The following ACSM1 variants were observed in gnomAD, a reference collection of about 807,000 sequenced individuals.
The protein encoded by ACSM1 is acyl-CoA synthetase medium chain family member 1.
ACSM1 carries 79 observed loss-of-function variants against 75.8 expected under a neutral mutation model. The observed-to-expected ratio is 1.04, with a 90% CI of 0.87 to 1.26. The LOEUF (loss-of-function observed/expected upper bound fraction) is 1.26. ACSM1 is among the 50% of genes most tolerant of loss of function. The pLI, the probability that ACSM1 is intolerant of heterozygous loss-of-function variation, is 0.00. For missense variants in ACSM1, 676 were observed against 720.1 expected (o/e 0.94, Z 0.70); for synonymous variants, 279 against 265.8 (o/e 1.05, Z -0.48).
chr16:20,625,716 C>T (rs950632835), intron 11 of ACSM1, among the ~76,000 whole-genome samples, 194 bp from the exon 12 acceptor site: 5 of 152,150 alleles, frequency 3.3e-5, no homozygotes, highest in African/African-American at 7.2e-5. Flanking sequence ...TACAAGACTG[C>T]GGTGCTCCCG....
intron 10 of ACSM1, among the ~76,000 whole-genome samples, chr16:20,631,785 T>C (rs1027402684): frequency 2.0e-5 from 3 of 152,192 alleles, no homozygotes; most frequent in African/African-American, 7.2e-5. Context: ...AAATAGCGTA[T>C]GTTCTCACTT....
intron 6 of ACSM1, among the ~76,000 whole-genome samples, chr16:20,665,861 T>A (rs1237955646): frequency 4.6e-5 from 7 of 152,100 alleles, no homozygotes; most frequent in Admixed American, 4.6e-4. Context: ...GATTCACCTC[T>A]TAAACAGAAT....
At chr16:20,663,357 G>A (rs1184466830) in intron 6 of ACSM1, among the ~76,000 whole-genome samples, 1 of 152,126 alleles carries the variant, frequency 6.6e-6, no homozygotes, top group Non-Finnish European at 1.5e-5. Context: ...CTCACCACCT[G>A]CTTCTTTGTT....
intron 1 of ACSM1, 67 bp downstream of exon 1, chr16:20,697,569 A>T (rs2079696618): frequency 9.1e-6 from 1 of 109,330 alleles, no homozygotes. Flanking sequence ...ACACACACAC[A>T]CACACACACA....
intron 7 of ACSM1, among the ~76,000 whole-genome samples, chr16:20,643,277 C>T (rs563284345): frequency 5.3e-5 from 8 of 152,278 alleles, no homozygotes; most frequent in East Asian, 1.9e-4. Flanking sequence ...TATTTAGCCC[C>T]GAATTCTAAG....
intron 5 of ACSM1, 77 bp downstream of exon 5, chr16:20,671,454 C>G (rs1307851307): frequency 2.3e-6 from 3 of 1,305,422 alleles, no homozygotes; most frequent in East Asian, 2.4e-5. Flanking sequence ...CACACACACA[C>G]ACACACACAC....
At chr16:20,671,775 T>G (rs1051640092) in intron 4 of ACSM1, 104 bp from the exon 5 acceptor site, 2 of 1,317,206 alleles carry the variant, frequency 1.5e-6, no homozygotes, top group Non-Finnish European at 2.0e-6. Context: ...ACTGGGAGTT[T>G]GCAACACTAG....
intron 9 of ACSM1, chr16:20,637,166 C>T (rs746450808): frequency 3.9e-6 from 3 of 763,376 alleles, no homozygotes; most frequent in Non-Finnish European, 7.2e-6. Flanking sequence ...TGTGTGATGC[C>T]CTGGCTGCCA....
At chr16:20,636,645 G>C (rs1236457088) in intron 10 of ACSM1, 94 bp downstream of exon 10, 1 of 853,214 alleles carries the variant, frequency 1.2e-6, no homozygotes, top group Non-Finnish European at 1.9e-6. Flanking sequence ...CATTGAGTTA[G>C]AGCAAATAAA....
chr16:20,691,249 A>G lies in ACSM1; in HGVS notation c.-51-10T>C, dbSNP rs2079649026. On this transcript the variant is annotated splice_polypyrimidine_tract_variant and intron_variant, in intron 1 of 13. Transcript: ENST00000520010. ...TCAAGTCACCACCTGCCTTGGGAAG[A>G]GATGGCTAATAGATTGGCTGTGTAT... 3 of 1,393,306 alleles carry G rather than the reference A, an allele frequency of 2.2e-6. No homozygotes were observed. In the Admixed American group the frequency reaches 7.9e-5, roughly 37 times the overall value. 86.3% of individuals were successfully genotyped at this position (1,393,306 alleles called of 1,614,324 possible). A position where few individuals can be genotyped will look rare whatever the true frequency, so the allele number is the denominator to read the frequency against.
At chr16:20,642,916 C>G (rs2018146508) in intron 7 of ACSM1, among the ~76,000 whole-genome samples, 1 of 152,146 alleles carries the variant, frequency 6.6e-6, no homozygotes, top group African/African-American at 2.4e-5. Flanking sequence ...AAATTTAAAA[C>G]CTATAATTGA....
intron 13 of ACSM1, 23 bp downstream of exon 13, chr16:20,624,073 C>T: frequency 6.2e-7 from 1 of 1,609,372 alleles, no homozygotes; most frequent in African/African-American, 1.3e-5. Context: ...GCCACCAGAT[C>T]CCTTCCATCT....
chr16:20,629,764 C>T lies in ACSM1; in HGVS notation c.1300-2448G>A, dbSNP rs367717480. Among the ~76,000 whole-genome samples the T allele has an allele frequency of 7.2e-5, 11 of 152,166 alleles. No homozygotes were observed. The South Asian group carries it at 8.3e-4, about 11-fold the overall frequency. ...ATCCCAGCATTTTTGGAGGCTGAGG[C>T]GGGTGGATCATGAGGTCAGGAGATG... On this transcript the variant is annotated intron_variant, in intron 10 of 13. Coordinates refer to ENST00000520010, the MANE Select transcript of ACSM1 (RefSeq NM_001318890.3).
chr16:20,626,744 A>C (rs925964946), intron 11 of ACSM1, among the ~76,000 whole-genome samples: 4 of 151,944 alleles, frequency 2.6e-5, no homozygotes, highest in Non-Finnish European at 4.4e-5. Context: ...TAATAGATTT[A>C]TTATGCTCAT....
In ACSM1 at chr16:20,645,545, A is replaced by G. The variant is rs568912397; in HGVS notation, c.993-4961T>C. Among the ~76,000 whole-genome samples the G allele has an allele frequency of 3.9e-5, 6 of 152,326 alleles. No individual in the cohort carries two copies. In the East Asian group the frequency reaches 5.8e-4, roughly 15 times the overall value. ...TTACGAGGGTTGGGACAATTATTTG[A>G]TCTCACATGGATAGATATAATATTA... On this transcript the variant is annotated intron_variant, in intron 7 of 13. Coordinates refer to ENST00000520010, the MANE Select transcript of ACSM1 (RefSeq NM_001318890.3).
chr16:20,647,878 T>C (rs1212377405), intron 7 of ACSM1, among the ~76,000 whole-genome samples: 2 of 152,168 alleles, frequency 1.3e-5, no homozygotes, highest in Non-Finnish European at 2.9e-5. Flanking sequence ...ATTCCCATTA[T>C]CACAAGTAGC....
Position 20,666,071 on chromosome 16 carries a change from A to G in ACSM1, c.912+3756T>C, listed in dbSNP as rs149418946. ...GAACCATTTCCCATGCGAATTGGAAAAAGTGTAGGATGCCCACTCTCACCA... is the reference window on the plus strand; with the variant it reads ...GAACCATTTCCCATGCGAATTGGAAGAAGTGTAGGATGCCCACTCTCACCA... On this transcript the variant is annotated intron_variant, in intron 6 of 13. Transcript: ENST00000520010. 7.7e-3 allele frequency among the ~76,000 whole-genome samples: 1,173 copies of G among 152,282 alleles called. 21 individuals carry two copies. Among genetic ancestry groups the G allele is most frequent in the African/African-American group, 0.028 (1,145 of 41,562 alleles).
At chr16:20,673,002 A>C (rs1411091605) in intron 4 of ACSM1, among the ~76,000 whole-genome samples, 1 of 143,438 alleles carries the variant, frequency 7.0e-6, no homozygotes, top group African/African-American at 2.5e-5. Context: ...AAATATATAA[A>C]ATATATACTT....
At chr16:20,672,596 C>A (rs1596910562) in intron 4 of ACSM1, among the ~76,000 whole-genome samples, 2 of 124,864 alleles carry the variant, frequency 1.6e-5, no homozygotes, top group South Asian at 2.4e-4. Context: ...ATAATATATA[C>A]TTACATGTCA....
Sources: gnomAD v4.1 joint callset for allele counts (sites outside exome capture counted in the v4.1 genomes callset) on GRCh38, gnomAD v4.1.1 for gene constraint, MANE v1.5 for transcripts, NCBI Gene and HGNC (gene_info 2026-07-23, HGNC 2026-07-21) for gene names.